MYL12A: variants seen among roughly 807,000 people sequenced by gnomAD.
The protein encoded by MYL12A is myosin regulatory light chain 12A.
Under a neutral mutation model 13.3 loss-of-function variants are expected in MYL12A, and 11 were observed. The observed-to-expected ratio is 0.83, with a 90% CI of 0.52 to 1.37. The LOEUF (loss-of-function observed/expected upper bound fraction) is 1.37. MYL12A is among the 40% of genes most tolerant of loss of function. MYL12A has a pLI of 0.00. For synonymous variants in MYL12A, 51 were observed against 69.9 expected, an observed-to-expected ratio of 0.73 and a Z score of 1.35; for missense variants, 146 against 212.3, an observed-to-expected ratio of 0.69 and a Z score of 1.94.
Position 3,251,699 on chromosome 18 carries a change from T to C in MYL12A, c.-15-1534T>C, listed in dbSNP as rs375126157. On this transcript the variant is annotated intron_variant, in intron 1 of 3. Transcript: ENST00000217652. ...GGATTTACTACCCCCAAAGGTGTTA[T>C]AGAATGAAAATATGCATTTATGAAT... Among the ~76,000 whole-genome samples, 84 of 152,110 alleles carry C rather than the reference T, an allele frequency of 5.5e-4. 1 individual carries two copies. Among genetic ancestry groups the C allele is most frequent in the African/African-American group, 1.9e-3 (78 of 41,488 alleles).
chr18:3,248,097 C>T (rs1412106180), intron 1 of MYL12A, 188 bp downstream of exon 1: 4 of 152,390 alleles, frequency 2.6e-5, no homozygotes, highest in African/African-American at 9.6e-5. Flanking sequence ...CTCCTGTGCC[C>T]AAACTTGGAA....
rs1368785765 is a variant in MYL12A at position 3,252,348 on chromosome 18, G to A, written c.-15-885G>A. The stretch of plus-strand genomic sequence containing the variant: ...ATGGTATGGTAGAATTTTATTGTCT[G>A]ATGACTGAGATTTTTAACTTGAAAC... On this transcript the variant is annotated intron_variant, in intron 1 of 3. Transcript: ENST00000217652. The A allele has an allele frequency of 7.8e-6, 12 of 1,531,510 alleles. No homozygotes were observed. The East Asian group carries it at 2.9e-4, about 37-fold the overall frequency. The allele number at this position is 1,531,510 out of a possible 1,614,324, so 94.9% of individuals were successfully genotyped here. A position where few individuals can be genotyped will look rare whatever the true frequency, so the allele number is the denominator to read the frequency against.
rs770150404 is a variant in MYL12A, at chr18:3,255,743, C to T, written c.344-3C>T. 1 of 1,610,502 alleles carries T rather than the reference C, an allele frequency of 6.2e-7. No individual in the cohort carries two copies. On this transcript the variant is annotated splice_polypyrimidine_tract_variant and splice_region_variant and intron_variant, in intron 3 of 3. Coordinates refer to ENST00000217652, the MANE Select transcript of MYL12A (RefSeq NM_006471.4). ...TTCTGATCCCTTGTTCTTTATTCTC[C>T]AGGCACCATACAGGAAGATTACTTG...
rs775083461 is a variant in MYL12A, at chr18:3,253,363, T to C, written c.116T>C (p.Met39Thr). The change falls in exon 2 of 4, where the codon ATG (methionine) becomes ACG (threonine). Residue 39 changes from methionine to threonine, a missense_variant. Coordinates refer to ENST00000217652, the MANE Select transcript of MYL12A (RefSeq NM_006471.4). ...QIQEFKEAFNMIDQNRDGFID... is the reference protein window; with the variant it reads ...QIQEFKEAFNTIDQNRDGFID... ...CAGGAGTTCAAAGAGGCCTTCAACATGATTGATCAGAACAGAGATGGTTTC... is the reference window on the plus strand; with the variant it reads ...CAGGAGTTCAAAGAGGCCTTCAACACGATTGATCAGAACAGAGATGGTTTC... 6.2e-7 allele frequency: 1 copy of C among 1,613,990 alleles called. No individual in the cohort carries two copies. Among genetic ancestry groups the C allele is most frequent in the Non-Finnish European group, 8.5e-7 (1 of 1,179,840 alleles).
chr18:3,255,758 A>C lies in MYL12A; in HGVS notation c.356A>C (p.Glu119Ala). 1 of 1,613,324 alleles carries C rather than the reference A, an allele frequency of 6.2e-7. No homozygotes were observed. The highest frequency in any genetic ancestry group is 8.5e-7 in the Non-Finnish European group (1 of 1,179,782). Reference sequence around the variant, plus strand: ...CTTTATTCTCCAGGCACCATACAGGAAGATTACTTGAGAGAGCTGCTGACA... The same window carrying C: ...CTTTATTCTCCAGGCACCATACAGGCAGATTACTTGAGAGAGCTGCTGACA... ...FDEEATGTIQ[E>A]DYLRELLTTM... The change falls in exon 4 of 4, where the codon GAA becomes GCA. Residue 119 changes from glutamate to alanine, a missense_variant. Transcript: ENST00000217652.
intron 2 of MYL12A, 70 bp downstream of exon 2, chr18:3,253,498 GTCTTAAAGC>G (rs1254191631): frequency 1.3e-6 from 2 of 1,545,188 alleles, no homozygotes; most frequent in Non-Finnish European, 8.8e-7. Flanking sequence ...GATTTCATGA[GTCTTAAAGC>G]TCTGTAAAGC....
chr18:3,255,960 T>C lies in MYL12A; in HGVS notation c.*42T>C, dbSNP rs113988463. ...AGCCAAACGTTCCTTGTTGCCACTT[T>C]GGGTATTCTGAGATTTTCTCTTGCA... On this transcript the variant is annotated 3_prime_UTR_variant, in exon 4 of 4. Coordinates refer to ENST00000217652, the MANE Select transcript of MYL12A (RefSeq NM_006471.4). 1.4e-4 allele frequency: 218 copies of C among 1,600,268 alleles called. 2 individuals are homozygous for C. The African/African-American group carries it at 2.4e-3, about 18-fold the overall frequency.
intron 1 of MYL12A, chr18:3,249,459 A>G (rs1489223152): frequency 6.6e-6 from 1 of 152,180 alleles, no homozygotes; most frequent in Non-Finnish European, 1.5e-5. Context: ...GCTCCTTTAG[A>G]TCTGTAAACT....
chr18:3,252,189 A>G (rs2081492689), intron 1 of MYL12A: 1 of 654,030 alleles, frequency 1.5e-6, no homozygotes, highest in African/African-American at 1.9e-5. Context: ...TAAGCTTTAA[A>G]ATTGTTATCC....
At chr18:3,254,938 C>A (rs1156635544) in intron 3 of MYL12A, among the ~76,000 whole-genome samples, 1 of 152,236 alleles carries the variant, frequency 6.6e-6, no homozygotes, top group Non-Finnish European at 1.5e-5. Flanking sequence ...AGGCTCCCCA[C>A]ATGTGCATGC....
At chr18:3,252,401 G>A (rs1289951200) in intron 1 of MYL12A, 5 of 1,451,204 alleles carry the variant, frequency 3.4e-6, no homozygotes, top group Admixed American at 4.6e-5. Context: ...AACAGATTGA[G>A]TATTGAAAAT....
chr18:3,255,587 T>C (rs1445471145), intron 3 of MYL12A, 159 bp from the exon 4 acceptor site: 1 of 881,580 alleles, frequency 1.1e-6, no homozygotes, highest in African/African-American at 1.7e-5. Context: ...TAGGCACTTC[T>C]CTGCTGAGGC....
In MYL12A at chr18:3,252,325, G is replaced by T. The variant is rs755510035; in HGVS notation, c.-15-908G>T. 1.6e-5 allele frequency: 24 copies of T among 1,532,654 alleles called. No homozygotes were observed. The South Asian group carries it at 2.9e-4, about 18-fold the overall frequency. The allele number at this position is 1,532,654 out of a possible 1,614,324, so 94.9% of individuals were successfully genotyped here. On this transcript the variant is annotated intron_variant, in intron 1 of 3. Coordinates refer to ENST00000217652, the MANE Select transcript of MYL12A (RefSeq NM_006471.4). ...CATCTTCCCTGCAACTCTGAAGGAT[G>T]GTATGGTAGAATTTTATTGTCTGAT...
chr18:3,251,662 T>C (rs1046560366), intron 1 of MYL12A, among the ~76,000 whole-genome samples: 1 of 152,182 alleles, frequency 6.6e-6, no homozygotes, highest in Non-Finnish European at 1.5e-5. Flanking sequence ...TCATGTAGTT[T>C]AGATGTGAAT....
chr18:3,248,368 C>T (rs1567982462), intron 1 of MYL12A: 1 of 152,162 alleles, frequency 6.6e-6, no homozygotes, highest in East Asian at 1.9e-4. Context: ...GTAATTAGAA[C>T]TTTTTTTCTT....
intron 2 of MYL12A, 140 bp from the exon 3 acceptor site, chr18:3,253,749 C>A: frequency 1.0e-6 from 1 of 964,588 alleles, no homozygotes; most frequent in Non-Finnish European, 1.5e-6. Flanking sequence ...AGAAAACTTT[C>A]CCCCCAAATA....
intron 1 of MYL12A, among the ~76,000 whole-genome samples, chr18:3,251,345 A>G (rs1369742789): frequency 2.0e-5 from 3 of 152,230 alleles, no homozygotes; most frequent in African/African-American, 7.2e-5. Flanking sequence ...AGATTAAAAA[A>G]TCAGATGTGT....
chr18:3,253,203 G>A (rs2081503656), intron 1 of MYL12A, 30 bp from the exon 2 acceptor site: 1 of 1,565,954 alleles, frequency 6.4e-7, no homozygotes, highest in African/African-American at 1.4e-5. Context: ...ATGTTGATTT[G>A]GTTTTTATTG....
intron 1 of MYL12A, among the ~76,000 whole-genome samples, chr18:3,251,264 C>G (rs988003707): frequency 6.6e-6 from 1 of 151,870 alleles, no homozygotes; most frequent in East Asian, 1.9e-4. Flanking sequence ...TACTTTACAA[C>G]CAAAACTAAG....
Sources: allele counts gnomAD v4.1 joint callset (sites outside exome capture counted in the v4.1 genomes callset), GRCh38; gene constraint gnomAD v4.1.1; transcripts MANE v1.5; gene names NCBI Gene and HGNC (gene_info 2026-07-23, HGNC 2026-07-21).